Variants in DNAJC3 observed in about 807,000 individuals in gnomAD.
The protein encoded by DNAJC3 is dnaJ homolog subfamily C member 3.
A neutral mutation model predicts 68.6 loss-of-function variants in DNAJC3; 38 were observed. The observed-to-expected ratio is 0.55, with a 90% CI of 0.43 to 0.73. DNAJC3 has a LOEUF of 0.73. Among genes scored for constraint, DNAJC3 ranks in the 30% least tolerant of loss-of-function variants. The probability of loss-of-function intolerance (pLI) is 0.00; values close to 1 mark genes in which losing one functional copy is unlikely to be tolerated. For missense variants in DNAJC3, 526 were observed against 591.9 expected (o/e 0.89, Z 1.16); for synonymous variants, 203 against 204.0 (o/e 1.00, Z 0.04).
chr13:95,790,499 A>C (rs1370337894), intron 11 of DNAJC3, among the ~76,000 whole-genome samples: 6 of 152,180 alleles, frequency 3.9e-5, no homozygotes, highest in African/African-American at 1.4e-4. Context: ...TTTGGGGATT[A>C]GGGTGGTGAG....
chr13:95,747,468 AGAGGCAAGCATGT>A (rs1187313450), intron 4 of DNAJC3, among the ~76,000 whole-genome samples: 2 of 152,206 alleles, frequency 1.3e-5, no homozygotes, highest in East Asian at 3.8e-4. Flanking sequence ...TGTAAGAATC[AGAGGCAAGCATGT>A]GCCTGTCATT....
chr13:95,790,346 T>TG (rs1354344739), intron 11 of DNAJC3, among the ~76,000 whole-genome samples: 22 of 152,090 alleles, frequency 1.4e-4, no homozygotes, highest in African/African-American at 5.1e-4. Context: ...GGCCCCGCTG[T>TG]GGGGGCACCA....
At chr13:95,731,422 G>A (rs770751523) in intron 4 of DNAJC3, among the ~76,000 whole-genome samples, 15 of 152,162 alleles carry the variant, frequency 9.9e-5, no homozygotes, top group Non-Finnish European at 1.8e-4. Flanking sequence ...TCACTATGAT[G>A]TTAACTGTGG....
At position 95,698,555 on chromosome 13, in the gene DNAJC3, C is replaced by T. The variant is rs964299868; in HGVS notation, c.83-10672C>T. On this transcript the variant is annotated intron_variant, in intron 1 of 11. Transcript: ENST00000602402. ...GACAGGGAGGAATGTGATGTGTTCC[C>T]TGTCACACCCTTGTTCTGGGGCTCG... is the stretch of plus-strand genomic sequence containing the variant. Among the ~76,000 whole-genome samples the T allele has an allele frequency of 4.6e-5, 7 of 152,320 alleles. No homozygotes were observed. The East Asian group carries it at 1.4e-3, about 29-fold the overall frequency.
chr13:95,679,652 G>A (rs1314453761), intron 1 of DNAJC3, among the ~76,000 whole-genome samples: 1 of 151,950 alleles, frequency 6.6e-6, no homozygotes, highest in African/African-American at 2.4e-5. Flanking sequence ...AAGGATTTTT[G>A]TTAAATAGGT....
chr13:95,694,959 C>T (rs1880393944), intron 1 of DNAJC3: 1 of 152,552 alleles, frequency 6.6e-6, no homozygotes, highest in Non-Finnish European at 1.5e-5. Flanking sequence ...CGTTTATAGG[C>T]TACATACTCC....
chr13:95,689,992 TTTTC>T (rs1291985808), intron 1 of DNAJC3, among the ~76,000 whole-genome samples: 3 of 152,134 alleles, frequency 2.0e-5, no homozygotes, highest in Non-Finnish European at 1.5e-5. Context: ...TTCTTTTTCT[TTTTC>T]TTTTTTTTAT....
intron 4 of DNAJC3, among the ~76,000 whole-genome samples, chr13:95,726,234 C>G (rs1362054088): frequency 6.6e-6 from 1 of 152,032 alleles, no homozygotes; most frequent in Non-Finnish European, 1.5e-5. Context: ...GTTCTAGATC[C>G]CTGAGGAATC....
At chr13:95,700,294 A>G (rs1322243689) in intron 1 of DNAJC3, among the ~76,000 whole-genome samples, 1 of 152,148 alleles carries the variant, frequency 6.6e-6, no homozygotes, top group Non-Finnish European at 1.5e-5. Flanking sequence ...TATATAAATT[A>G]TTTTCATAAA....
chr13:95,782,397 T>G (rs1883480459), intron 9 of DNAJC3, among the ~76,000 whole-genome samples: 1 of 152,216 alleles, frequency 6.6e-6, no homozygotes, highest in Non-Finnish European at 1.5e-5. Context: ...CTACAATGGT[T>G]GAACTAATTT....
chr13:95,746,274 C>G (rs1288401133), intron 4 of DNAJC3, among the ~76,000 whole-genome samples: 1 of 152,122 alleles, frequency 6.6e-6, no homozygotes, highest in Admixed American at 6.5e-5. Flanking sequence ...TACATATTTG[C>G]TTGAATGTGG....
intron 1 of DNAJC3, among the ~76,000 whole-genome samples, chr13:95,681,550 T>C (rs1363479890): frequency 6.6e-6 from 1 of 151,956 alleles, no homozygotes; most frequent in East Asian, 1.9e-4. Flanking sequence ...GGACAGGGTC[T>C]TCTATGTTGC....
intron 4 of DNAJC3, among the ~76,000 whole-genome samples, chr13:95,742,137 A>G (rs1448493861): frequency 6.6e-6 from 1 of 152,194 alleles, no homozygotes; most frequent in Non-Finnish European, 1.5e-5. Context: ...GCTGCTGGCA[A>G]GAGAGCCTGT....
intron 1 of DNAJC3, among the ~76,000 whole-genome samples, chr13:95,691,794 T>G (rs560473327): frequency 6.6e-6 from 1 of 152,344 alleles, no homozygotes; most frequent in East Asian, 1.9e-4. Context: ...AGACTCCCTC[T>G]GCAATCCCGG....
At chr13:95,755,500 T>C (rs1009546213) in intron 4 of DNAJC3, among the ~76,000 whole-genome samples, 5 of 151,806 alleles carry the variant, frequency 3.3e-5, no homozygotes, top group Admixed American at 3.3e-4. Flanking sequence ...GGCTCACGCC[T>C]GTAATCCCAG....
intron 2 of DNAJC3, among the ~76,000 whole-genome samples, chr13:95,722,935 C>T (rs1881382824): frequency 1.3e-5 from 2 of 149,910 alleles, no homozygotes; most frequent in South Asian, 4.2e-4. Flanking sequence ...TTCGGCTTTG[C>T]GGCCACAGTC....
At chr13:95,682,710 C>T (rs1879952389) in intron 1 of DNAJC3, among the ~76,000 whole-genome samples, 1 of 151,916 alleles carries the variant, frequency 6.6e-6, no homozygotes, top group Non-Finnish European at 1.5e-5. Context: ...GACCATGTGG[C>T]AAAGGAATAA....
intron 9 of DNAJC3, among the ~76,000 whole-genome samples, chr13:95,764,606 G>A (rs1294279944): frequency 5.4e-5 from 7 of 130,554 alleles, no homozygotes; most frequent in Non-Finnish European, 1.1e-4. Flanking sequence ...AGATAACTAC[G>A]GCGTATACAG....
intron 1 of DNAJC3, among the ~76,000 whole-genome samples, chr13:95,691,524 TC>T: frequency 6.9e-6 from 1 of 145,824 alleles, no homozygotes; most frequent in South Asian, 2.2e-4. Flanking sequence ...ACTCCTCACT[TC>T]CTAGATGGGA....
Sources: allele counts gnomAD v4.1 joint callset (sites outside exome capture counted in the v4.1 genomes callset), GRCh38; gene constraint gnomAD v4.1.1; transcripts MANE v1.5; gene names NCBI Gene and HGNC (gene_info 2026-07-23, HGNC 2026-07-21).